The following RBFOX1 variants were observed in gnomAD, a reference collection of about 807,000 sequenced individuals.
The protein encoded by RBFOX1 is RNA binding protein fox-1 homolog 1.
A neutral mutation model predicts 57.7 loss-of-function variants in RBFOX1; 8 were observed. That is an observed-to-expected ratio of 0.14 (90% CI 0.08 to 0.25). The LOEUF (loss-of-function observed/expected upper bound fraction) is 0.25. Ranked by LOEUF, RBFOX1 falls within the 10% of genes least tolerant of loss-of-function variation. The pLI, the probability that RBFOX1 is intolerant of heterozygous loss-of-function variation, is 1.00. For synonymous variants in RBFOX1, 326 were observed against 222.4 expected (o/e 1.47, Z -4.15); for missense variants, 611 against 548.5 (o/e 1.11, Z -1.14).
chr16:6,500,896 T>TGTTTTTTTGTTTGTTTG (rs796099960), intron 2 of RBFOX1, among the ~76,000 whole-genome samples: 2 of 142,372 alleles, frequency 1.4e-5, no homozygotes, highest in East Asian at 2.1e-4. Flanking sequence ...TTTTTTTTTT[T>TGTTTTTTTGTTTGTTTG]TTTTTAATGC....
chr16:7,536,688 A>T (rs1203404137), intron 5 of RBFOX1, among the ~76,000 whole-genome samples: 5 of 152,238 alleles, frequency 3.3e-5, no homozygotes, highest in African/African-American at 4.8e-5. Flanking sequence ...TGGAAACAAG[A>T]TGCAGGGGCG....
chr16:5,889,316 G>T (rs140582975), intron 4 of RBFOX1, among the ~76,000 whole-genome samples: 13 of 152,238 alleles, frequency 8.5e-5, no homozygotes, highest in African/African-American at 3.1e-4. Context: ...GTGAGAACAC[G>T]TGGTGTTTGC....
intron 4 of RBFOX1, among the ~76,000 whole-genome samples, chr16:7,305,125 G>T (rs1165757537): frequency 6.6e-6 from 1 of 152,026 alleles, no homozygotes; most frequent in Non-Finnish European, 1.5e-5. Flanking sequence ...GTGTTTGTGT[G>T]TGTGTGCGTG....
intron 1 of RBFOX1, among the ~76,000 whole-genome samples, chr16:6,083,237 A>T (rs2096034051): frequency 6.6e-6 from 1 of 152,110 alleles, no homozygotes; most frequent in Admixed American, 6.6e-5. Context: ...TCCTGACCTG[A>T]AGTGATCTGC....
chr16:5,756,900 A>G (rs1210133383), intron 3 of RBFOX1, among the ~76,000 whole-genome samples: 4 of 152,336 alleles, frequency 2.6e-5, no homozygotes, highest in Admixed American at 6.5e-5. Flanking sequence ...TATAAAAAAT[A>G]TAAGGGTTCT....
At chr16:6,751,358 A>G (rs908030993) in intron 3 of RBFOX1, among the ~76,000 whole-genome samples, 1 of 152,256 alleles carries the variant, frequency 6.6e-6, no homozygotes, top group African/African-American at 2.4e-5. Context: ...CTGAAAATGT[A>G]CTTAGAATGC....
At chr16:5,866,573 A>G (rs2057347767) in intron 3 of RBFOX1, among the ~76,000 whole-genome samples, 2 of 152,208 alleles carry the variant, frequency 1.3e-5, no homozygotes, top group South Asian at 2.1e-4. Context: ...TAGATGAACA[A>G]TGTTGGGAGG....
chr16:7,527,932 AT>A (rs1184446523), intron 5 of RBFOX1, among the ~76,000 whole-genome samples: 1 of 152,238 alleles, frequency 6.6e-6, no homozygotes, highest in Non-Finnish European at 1.5e-5. Context: ...TAAAACTCCA[AT>A]TCCGAGATTT....
At position 5,890,493 on chromosome 16, in the gene RBFOX1, T is replaced by C. The variant is rs185417217; in HGVS notation, c.351+23158T>C. Among the ~76,000 whole-genome samples, 10 of 152,070 alleles carry C rather than the reference T, an allele frequency of 6.6e-5. No homozygotes were observed. In the East Asian group the frequency reaches 9.7e-4, roughly 15 times the overall value. On this transcript the variant is annotated intron_variant, in intron 4 of 19. Transcript: ENST00000641259. Reference sequence around the variant, plus strand: ...GCGGGCAGATCACGAGGTCAGGAGTTTGAGACCAGCCTGACCAACATGGTG... The same window carrying C: ...GCGGGCAGATCACGAGGTCAGGAGTCTGAGACCAGCCTGACCAACATGGTG...
intron 3 of RBFOX1, among the ~76,000 whole-genome samples, chr16:6,816,214 G>C (rs1309931047): frequency 6.6e-6 from 1 of 152,092 alleles, no homozygotes; most frequent in African/African-American, 2.4e-5. Flanking sequence ...TGGAGACTGA[G>C]GTGAGGATTG....
intron 3 of RBFOX1, among the ~76,000 whole-genome samples, chr16:5,651,040 C>CTTT (rs869240597): frequency 0.23 from 12,891 of 56,318 alleles, 4,228 homozygotes; most frequent in Non-Finnish European, 0.31. Flanking sequence ...CTACCTCCTT[C>CTTT]TTTTTTTTTT....
intron 1 of RBFOX1, among the ~76,000 whole-genome samples, chr16:6,127,287 A>T (rs535696116): frequency 0.028 from 4,236 of 151,250 alleles, 181 homozygotes; most frequent in African/African-American, 0.095. Flanking sequence ...CTTTTTTTAA[A>T]AAAAAAAAAA....
At chr16:6,450,651 A>G (rs1052965602) in intron 2 of RBFOX1, among the ~76,000 whole-genome samples, 3 of 147,578 alleles carry the variant, frequency 2.0e-5, no homozygotes, top group Non-Finnish European at 4.5e-5. Context: ...AGATAGATAA[A>G]TAAATCTGTT....
intron 2 of RBFOX1, among the ~76,000 whole-genome samples, chr16:5,508,469 G>A (rs1461890200): frequency 6.6e-6 from 1 of 152,206 alleles, no homozygotes; most frequent in African/African-American, 2.4e-5. Flanking sequence ...ACATGTGGCT[G>A]TGTTCTATTC....
chr16:5,368,815 T>A (rs894330254), intron 1 of RBFOX1, among the ~76,000 whole-genome samples: 19 of 152,150 alleles, frequency 1.2e-4, no homozygotes, highest in African/African-American at 4.6e-4. Context: ...TCTCCTTGTT[T>A]ATTCTGAGAC....
At chr16:6,094,469 A>G (rs935932791) in intron 1 of RBFOX1, among the ~76,000 whole-genome samples, 3 of 152,228 alleles carry the variant, frequency 2.0e-5, no homozygotes, top group Admixed American at 6.5e-5. Flanking sequence ...AAAGTCACCA[A>G]GAGAGAAACT....
At chr16:7,213,206 A>G (rs888946782) in intron 4 of RBFOX1, among the ~76,000 whole-genome samples, 52 of 152,146 alleles carry the variant, frequency 3.4e-4, no homozygotes, top group Admixed American at 9.8e-4. Context: ...ACACGGAACA[A>G]TATCTGGGGC....
At chr16:5,530,759 G>T (rs985661496) in intron 2 of RBFOX1, among the ~76,000 whole-genome samples, 1 of 152,032 alleles carries the variant, frequency 6.6e-6, no homozygotes, top group Non-Finnish European at 1.5e-5. Flanking sequence ...ACTATCCCCA[G>T]TTGAGAAGCA....
At chr16:6,692,738 C>G (rs910413445) in intron 3 of RBFOX1, among the ~76,000 whole-genome samples, 1 of 151,844 alleles carries the variant, frequency 6.6e-6, no homozygotes, top group Non-Finnish European at 1.5e-5. Flanking sequence ...ATGTCTTTAT[C>G]TTCTGATCTG....
Sources: allele counts gnomAD v4.1 joint callset (sites outside exome capture counted in the v4.1 genomes callset), GRCh38; gene constraint gnomAD v4.1.1; transcripts MANE v1.5; gene names NCBI Gene and HGNC (gene_info 2026-07-23, HGNC 2026-07-21).